CPQ: variants seen among roughly 807,000 people sequenced by gnomAD.
CPQ encodes carboxypeptidase Q, also known as Ser-Met dipeptidase.
A neutral mutation model predicts 45.7 loss-of-function variants in CPQ; 37 were observed. That is an observed-to-expected ratio of 0.81 (90% CI 0.62 to 1.07). CPQ has a LOEUF of 1.07. CPQ is among the 50% of genes least tolerant of loss of function. CPQ has a pLI of 0.00. For synonymous variants in CPQ, 186 were observed against 205.8 expected (o/e 0.90, Z 0.82); for missense variants, 537 against 572.9 (o/e 0.94, Z 0.64).
At chr8:97,108,588 G>C (rs1321546395) in intron 7 of CPQ, among the ~76,000 whole-genome samples, 2 of 152,166 alleles carry the variant, frequency 1.3e-5, no homozygotes, top group Non-Finnish European at 2.9e-5. Context: ...TTTCTGAATA[G>C]TCAAGTGATT....
intron 6 of CPQ, among the ~76,000 whole-genome samples, chr8:97,042,250 T>C (rs1165074398): frequency 3.9e-5 from 6 of 152,084 alleles, no homozygotes; most frequent in East Asian, 1.9e-4. Flanking sequence ...CCATTTCTTC[T>C]AGATTTTCTA....
intron 7 of CPQ, among the ~76,000 whole-genome samples, chr8:97,084,832 GTGTGTC>G (rs751068917): frequency 1.4e-4 from 21 of 151,692 alleles, no homozygotes; most frequent in African/African-American, 3.6e-4. Flanking sequence ...GTGTGTGTGT[GTGTGTC>G]TCTCTGTGTG....
At chr8:96,944,636 G>T (rs934565833) in intron 4 of CPQ, among the ~76,000 whole-genome samples, 3 of 152,138 alleles carry the variant, frequency 2.0e-5, no homozygotes, top group Non-Finnish European at 4.4e-5. Flanking sequence ...TACGAGAGTG[G>T]ATATGAATCA....
At chr8:96,807,367 G>T (rs1272952194) in intron 2 of CPQ, among the ~76,000 whole-genome samples, 1 of 152,082 alleles carries the variant, frequency 6.6e-6, no homozygotes, top group East Asian at 1.9e-4. Flanking sequence ...CTGAATAGCT[G>T]GGACTACAGG....
intron 2 of CPQ, among the ~76,000 whole-genome samples, chr8:96,801,854 T>C (rs1472557616): frequency 6.6e-6 from 1 of 152,206 alleles, no homozygotes; most frequent in Admixed American, 6.5e-5. Context: ...GAAAGTATCA[T>C]TGGTTAATAA....
At chr8:96,897,667 G>T (rs548183522) in intron 4 of CPQ, among the ~76,000 whole-genome samples, 1 of 152,226 alleles carries the variant, frequency 6.6e-6, no homozygotes, top group South Asian at 2.1e-4. Flanking sequence ...GTTTACACTT[G>T]GTCCCATCCT....
chr8:97,103,611 G>T (rs1000756728), intron 7 of CPQ, among the ~76,000 whole-genome samples: 2 of 152,168 alleles, frequency 1.3e-5, no homozygotes, highest in Non-Finnish European at 2.9e-5. Flanking sequence ...TTACATGATT[G>T]CATTGGGTGC....
intron 3 of CPQ, among the ~76,000 whole-genome samples, chr8:96,843,839 A>G (rs1811650067): frequency 6.6e-6 from 1 of 152,210 alleles, no homozygotes; most frequent in Non-Finnish European, 1.5e-5. Flanking sequence ...GAGACTATAT[A>G]GTTATGTAAA....
At chr8:96,977,802 T>C (rs965666843) in intron 5 of CPQ, among the ~76,000 whole-genome samples, 2 of 152,130 alleles carry the variant, frequency 1.3e-5, no homozygotes, top group African/African-American at 4.8e-5. Context: ...GAATGATACA[T>C]TGGACTTTGG....
chr8:97,065,918 G>A (rs1244556949), intron 6 of CPQ, 91 bp from the exon 7 acceptor site: 4 of 1,273,838 alleles, frequency 3.1e-6, no homozygotes, highest in Middle Eastern at 2.6e-4. Flanking sequence ...CCGTAAGGAG[G>A]TAAAGTATTT....
At chr8:96,833,292 T>C (rs764697224) in intron 2 of CPQ, among the ~76,000 whole-genome samples, 5 of 152,154 alleles carry the variant, frequency 3.3e-5, no homozygotes, top group Admixed American at 2.0e-4. Flanking sequence ...CTCTCTTGTT[T>C]GTTAAAAACA....
chr8:96,782,148 G>A (rs1810695021), intron 1 of CPQ, among the ~76,000 whole-genome samples: 1 of 152,218 alleles, frequency 6.6e-6, no homozygotes, highest in Non-Finnish European at 1.5e-5. Flanking sequence ...CATTGCTTTA[G>A]TGGGGACTGT....
At chr8:96,854,639 T>C (rs1253990318) in intron 3 of CPQ, among the ~76,000 whole-genome samples, 2 of 151,500 alleles carry the variant, frequency 1.3e-5, no homozygotes, top group Non-Finnish European at 2.9e-5. Context: ...GGTGTGTGTT[T>C]GTGTATGTGA....
At chr8:96,990,919 G>A (rs1809082523) in intron 5 of CPQ, among the ~76,000 whole-genome samples, 2 of 152,134 alleles carry the variant, frequency 1.3e-5, no homozygotes, top group Non-Finnish European at 2.9e-5. Flanking sequence ...CCATAGATAT[G>A]CTTGTTAGCT....
At position 96,695,764 on chromosome 8, in the gene CPQ, T is replaced by C. The variant is rs888084017; in HGVS notation, c.-35+50362T>C. Among the ~76,000 whole-genome samples, 20 of 151,380 alleles carry C rather than the reference T, an allele frequency of 1.3e-4. 2 individuals are homozygous for C. Among genetic ancestry groups the C allele is most frequent in the African/African-American group, 3.9e-4 (16 of 40,658 alleles). ...AGATACCATTTCACACCAGTTAGAA[T>C]GGCGATCATTAAAAAGTCAGGGAAC... On this transcript the variant is annotated intron_variant, in intron 1 of 7. Transcript: ENST00000220763.
intron 5 of CPQ, among the ~76,000 whole-genome samples, chr8:97,019,775 T>C (rs1464667536): frequency 6.6e-6 from 1 of 152,088 alleles, no homozygotes; most frequent in Non-Finnish European, 1.5e-5. Flanking sequence ...ACAGTAATAG[T>C]GGGGGACTTC....
At chr8:96,701,583 A>AAG (rs1320559540) in intron 1 of CPQ, among the ~76,000 whole-genome samples, 1 of 152,204 alleles carries the variant, frequency 6.6e-6, no homozygotes, top group Non-Finnish European at 1.5e-5. Context: ...AAGCATGAGA[A>AAG]AGGGCTTCTT....
At chr8:96,872,117 A>AT (rs1489472684) in intron 3 of CPQ, among the ~76,000 whole-genome samples, 3 of 151,820 alleles carry the variant, frequency 2.0e-5, no homozygotes, top group African/African-American at 7.3e-5. Flanking sequence ...TGGATTTTGA[A>AT]TTTTTTCAGA....
chr8:97,046,813 T>A (rs1356385038), intron 6 of CPQ, among the ~76,000 whole-genome samples: 1 of 152,222 alleles, frequency 6.6e-6, no homozygotes, highest in African/African-American at 2.4e-5. Flanking sequence ...AAATACTTTA[T>A]TATAACTCAC....
Sources: gnomAD v4.1 joint callset for allele counts (sites outside exome capture counted in the v4.1 genomes callset) on GRCh38, gnomAD v4.1.1 for gene constraint, MANE v1.5 for transcripts, NCBI Gene and HGNC (gene_info 2026-07-23, HGNC 2026-07-21) for gene names.